C2: variants seen among roughly 807,000 people sequenced by gnomAD.
C2 encodes the protein complement C2, also known as C3/C5 convertase.
C2 carries 64 observed loss-of-function variants against 85.2 expected under a neutral mutation model. That is an observed-to-expected ratio of 0.75 (90% CI 0.61 to 0.92). The LOEUF is 0.92. C2 is among the 40% of genes least tolerant of loss of function. The pLI is 0.00. For synonymous variants in C2, 311 were observed against 370.8 expected, an observed-to-expected ratio of 0.84 and a Z score of 1.85; for missense variants, 820 against 971.6, an observed-to-expected ratio of 0.84 and a Z score of 2.07.
upstream of C2, among the ~76,000 whole-genome samples, chr6:31,923,535 G>A (rs1234649575): frequency 2.0e-5 from 3 of 152,094 alleles, no homozygotes; most frequent in Admixed American, 1.3e-4. Flanking sequence ...CCAGGCTGGA[G>A]TGCAGTGGCA....
At chr6:31,917,491 A>AG, upstream of C2, among the ~76,000 whole-genome samples, 1 of 152,288 alleles carries the variant, frequency 6.6e-6, no homozygotes, top group East Asian at 1.9e-4. Flanking sequence ...AAGGGGAGAG[A>AG]GGGAGGGAGT....
intron 5 of C2, 53 bp from the exon 6 acceptor site, chr6:31,934,113 A>C (rs1273104827): frequency 6.2e-7 from 1 of 1,604,008 alleles, no homozygotes; most frequent in East Asian, 2.2e-5. Context: ...CTGCTTGGCG[A>C]GAGCGCAGGA....
Position 31,934,247 on chromosome 6 carries a change from C to A in C2, c.797C>A (p.Ser266Ter). Residue 266 changes from serine to a stop codon, truncating the protein, a stop_gained, in exon 6 of 18, where the codon TCG (serine) becomes TAG (stop). Transcript: ENST00000299367. LOFTEE classifies it high-confidence loss of function. ...CTCCTGGACTGTTCGCAGAGTGTGTCGGAAAATGACTTTCTCATCTTCAAG... is the reference window on the plus strand; with the variant it reads ...CTCCTGGACTGTTCGCAGAGTGTGTAGGAAAATGACTTTCTCATCTTCAAG... ...YLLLDCSQSV[S>*]ENDFLIFKES... is the part of the protein sequence containing the mutation. 3 of 1,614,054 alleles carry A rather than the reference C, an allele frequency of 1.9e-6. No individual in the cohort carries two copies. Among genetic ancestry groups the A allele is most frequent in the Non-Finnish European group, 2.5e-6 (3 of 1,179,956 alleles).
intron 1 of C2, among the ~76,000 whole-genome samples, chr6:31,906,408 G>A (rs1025651193): frequency 1.3e-5 from 2 of 151,648 alleles, no homozygotes; most frequent in Non-Finnish European, 2.9e-5. Flanking sequence ...CCTGCCTCCA[G>A]ACAAACTCTT....
At position 31,945,379 on chromosome 6, in the gene C2, C is replaced by T; in HGVS notation, c.*22C>T. 6.2e-7 allele frequency: 1 copy of T among 1,610,192 alleles called. No homozygotes were observed. Among genetic ancestry groups the T allele is most frequent in the Non-Finnish European group, 8.5e-7 (1 of 1,178,024 alleles). On this transcript the variant is annotated 3_prime_UTR_variant, in exon 18 of 18. Coordinates refer to ENST00000299367, the MANE Select transcript of C2 (RefSeq NM_000063.6). This position sits in a 1 kb window ranked among gnomAD's most constrained non-coding sequence, Gnocchi z 5.3. ...CTAGCCATGGCCACTGAGCCCTCTG[C>T]TGCCCTGCCAGAATCTGCCGCCCCT...
rs896123643 is a variant in C2, at chr6:31,939,510, C to CTTT, written c.1219+209_1219+211dup. Among the ~76,000 whole-genome samples the CTTT allele has an allele frequency of 2.1e-3, 263 of 126,392 alleles. 2 individuals carry two copies. Among genetic ancestry groups the CTTT allele is most frequent in the African/African-American group, 7.2e-3 (250 of 34,640 alleles). 82.9% of individuals were successfully genotyped at this position (126,392 alleles called of 152,430 possible). On this transcript the variant is annotated intron_variant, in intron 9 of 17. Coordinates refer to ENST00000299367, the MANE Select transcript of C2 (RefSeq NM_000063.6). ...CTGCCCATGGTCTCAACCTTACCTTCTTTTTTTTTTTTTTTTTTTTTAAGA... is the reference window on the plus strand; with the variant it reads ...CTGCCCATGGTCTCAACCTTACCTTCTTTTTTTTTTTTTTTTTTTTTTTTAAGA...
At chr6:31,911,971 A>C (rs1277316440) in intron 1 of C2, among the ~76,000 whole-genome samples, 1 of 128,368 alleles carries the variant, frequency 7.8e-6, no homozygotes, top group East Asian at 2.2e-4. Flanking sequence ...CCGGGTCACT[A>C]CGTTGCCAAG....
At chr6:31,936,376 C>G (rs1302333054) in intron 7 of C2, 1 of 418,892 alleles carries the variant, frequency 2.4e-6, no homozygotes, top group Non-Finnish European at 4.5e-6. Flanking sequence ...CACCCATACA[C>G]CATGTAAAGT....
At position 31,921,927 on chromosome 6, in the gene C2, G is replaced by A. The variant is rs1045132420; in HGVS notation, c.-100+1901G>A. 6.6e-6 allele frequency among the ~76,000 whole-genome samples: 1 copy of A among 152,164 alleles called. No homozygotes were observed. The highest frequency in any genetic ancestry group is 1.5e-5 in the Non-Finnish European group (1 of 68,032). On this transcript the variant is annotated intron_variant, in intron 1 of 3. Transcript: ENST00000413154. This position sits in a 1 kb window ranked among gnomAD's most constrained non-coding sequence, Gnocchi z 4.6. ...AGAAGGAAGGCAGTCAATGAAGGGT[G>A]TGTTATCAGGCAAATTTACCATTGT...
At chr6:31,908,888 C>T (rs1482354632) in intron 1 of C2, among the ~76,000 whole-genome samples, 2 of 151,998 alleles carry the variant, frequency 1.3e-5, no homozygotes, top group Non-Finnish European at 2.9e-5. Context: ...GACTACAGTA[C>T]AGTGTAAACA....
chr6:31,937,644 C>G (rs536433657), intron 8 of C2, among the ~76,000 whole-genome samples, 185 bp downstream of exon 8: 4 of 151,418 alleles, frequency 2.6e-5, no homozygotes, highest in Non-Finnish European at 5.9e-5. Flanking sequence ...AAGCAATCCT[C>G]CTGCCTCAGC....
In C2 at chr6:31,945,272, C is replaced by T. The variant is rs760072899; in HGVS notation, c.2174C>T (p.Pro725Leu). The change falls in exon 18 of 18, where the codon CCA (proline) becomes CTA (leucine). Residue 725 changes from proline (P) to leucine (L), a missense_variant. Physicochemically the swap from Pro to Leu is moderately conservative, Grantham distance 98. Transcript: ENST00000299367. This position sits in a 1 kb window ranked among gnomAD's most constrained non-coding sequence, Gnocchi z 5.3. ...GCCCCTCGTAGCAAGGTCCCGCCGC[C>T]ACGAGACTTTCACATCAATCTCTTC... is the stretch of plus-strand genomic sequence containing the variant. The part of the protein sequence containing the change: ...KRAPRSKVPP[P>L]RDFHINLFRM... 17 of 1,612,882 alleles carry T rather than the reference C, an allele frequency of 1.1e-5. No individual in the cohort carries two copies. Among genetic ancestry groups the T allele is most frequent in the Non-Finnish European group, 1.4e-5 (17 of 1,179,988 alleles).
intron 1 of C2, among the ~76,000 whole-genome samples, chr6:31,909,951 G>T (rs1767979162): frequency 6.6e-6 from 1 of 151,494 alleles, no homozygotes; most frequent in African/African-American, 2.4e-5. Context: ...TGCGATCTTG[G>T]CTCACTGCAA....
At position 31,904,734 on chromosome 6, in the gene C2, G is replaced by A. The variant is rs1767606057; in HGVS notation, c.73+3595G>A. 6.6e-6 allele frequency among the ~76,000 whole-genome samples: 1 copy of A among 152,074 alleles called. No individual in the cohort carries two copies. Among genetic ancestry groups the A allele is most frequent in the South Asian group, 2.1e-4 (1 of 4,818 alleles). Reference sequence around the variant, plus strand: ...GAAATACAAAAAGCTGTCAAGTTAAGAATTAGAGTTTGTAAAATTTTGTTT... The same window carrying A: ...GAAATACAAAAAGCTGTCAAGTTAAAAATTAGAGTTTGTAAAATTTTGTTT... On this transcript the variant is annotated intron_variant, in intron 1 of 3. Transcript: ENST00000452202. This position sits in a 1 kb window ranked among gnomAD's most constrained non-coding sequence, Gnocchi z 4.4.
chr6:31,900,571 C>T, upstream of C2: 1 of 1,612,028 alleles, frequency 6.2e-7, no homozygotes, highest in Non-Finnish European at 8.5e-7. The surrounding 1 kb of genome is among the most constrained non-coding windows in gnomAD (Gnocchi z 9.7). Context: ...TCTGGGCCAG[C>T]TCCCCAAGGT....
At chr6:31,918,890 A>AG (rs1768751451), upstream of C2, among the ~76,000 whole-genome samples, 1 of 151,312 alleles carries the variant, frequency 6.6e-6, no homozygotes, top group South Asian at 2.1e-4. Flanking sequence ...CTCAAAAAAA[A>AG]AAAAAAAAAA....
upstream of C2, among the ~76,000 whole-genome samples, chr6:31,923,804 T>TGAAAGTTC (rs1288521245): frequency 7.0e-6 from 1 of 143,286 alleles, no homozygotes; most frequent in African/African-American, 2.6e-5. Flanking sequence ...GGCTCTTATT[T>TGAAAGTTC]ATTTATTTTT....
upstream of C2, among the ~76,000 whole-genome samples, chr6:31,927,274 G>T (rs533024363): frequency 6.6e-6 from 1 of 152,180 alleles, no homozygotes; most frequent in Non-Finnish European, 1.5e-5. The surrounding 1 kb of genome is among the most constrained non-coding windows in gnomAD (Gnocchi z 4.7). Context: ...AACCCACTTG[G>T]TACAACCCAA....
chr6:31,935,973 A>G lies in C2; in HGVS notation c.900A>G (p.Ser300=), dbSNP rs1399961260. The G allele has an allele frequency of 6.2e-7, 1 of 1,613,040 alleles. No individual in the cohort carries two copies. Among genetic ancestry groups the G allele is most frequent in the Non-Finnish European group, 8.5e-7 (1 of 1,180,018 alleles). ...GCGTTGCCATTATCACCTTTGCCTCAGAGCCCAAAGTCCTCATGTCTGTCC... is the reference window on the plus strand; with the variant it reads ...GCGTTGCCATTATCACCTTTGCCTCGGAGCCCAAAGTCCTCATGTCTGTCC... The part of the protein sequence containing the change: ...NVSVAIITFA[S]EPKVLMSVLN... The change falls in exon 7 of 18, where the codon TCA becomes TCG. Residue 300 remains serine, a synonymous_variant. Coordinates refer to ENST00000299367, the MANE Select transcript of C2 (RefSeq NM_000063.6). The surrounding 1 kb of genome is among the most constrained non-coding windows in gnomAD (Gnocchi z 4.3).
Sources: gnomAD v4.1 joint callset for allele counts (sites outside exome capture counted in the v4.1 genomes callset) on GRCh38, gnomAD v4.1.1 for gene constraint, Gnocchi (gnomAD v3.1) non-coding constraint, MANE v1.5 for transcripts, NCBI Gene and HGNC (gene_info 2026-07-23, HGNC 2026-07-21) for gene names.